The following STARD13 variants were observed in gnomAD, a reference collection of about 807,000 sequenced individuals.
STARD13 encodes stAR-related lipid transfer protein 13.
In STARD13, 62 loss-of-function variants were observed where a neutral mutation model predicts 106.4. That is an observed-to-expected ratio of 0.58 (90% CI 0.48 to 0.72). The LOEUF (loss-of-function observed/expected upper bound fraction) is 0.72, where lower values mean the gene tolerates loss of function less well. Among genes scored for constraint, STARD13 ranks in the 30% least tolerant of loss-of-function variants. The pLI is 0.00. For synonymous variants in STARD13, 565 were observed against 553.0 expected (o/e 1.02, Z -0.31); for missense variants, 1,387 against 1,424.0 (o/e 0.97, Z 0.42).
the STARD13 span, among the ~76,000 whole-genome samples, chr13:33,421,647 G>C: frequency 6.6e-6 from 1 of 152,138 alleles, no homozygotes; most frequent in Non-Finnish European, 1.5e-5. Context: ...AACAATAAAA[G>C]AGAATTTTAG....
At chr13:33,246,820 G>A (rs1889844607) in intron 1 of STARD13, among the ~76,000 whole-genome samples, 2 of 152,232 alleles carry the variant, frequency 1.3e-5, no homozygotes, top group Non-Finnish European at 2.9e-5. Context: ...CTTCTTGGAA[G>A]AAGACCTTGA....
At chr13:33,609,085 C>CAAAAAAAAAAAAA in the STARD13 span, among the ~76,000 whole-genome samples, 12 of 50,568 alleles carry the variant, frequency 2.4e-4, no homozygotes, top group African/African-American at 1.1e-3. Flanking sequence ...GACTCCGTCT[C>CAAAAAAAAAAAAA]AAAAAAAAAA....
intron 1 of STARD13, among the ~76,000 whole-genome samples, chr13:33,244,477 G>A (rs1261729516): frequency 6.6e-6 from 1 of 151,918 alleles, no homozygotes; most frequent in Admixed American, 6.6e-5. Flanking sequence ...TCACATCCCT[G>A]TATCTCTTTG....
chr13:33,319,231 C>T (rs1367683406), intron 1 of STARD13, among the ~76,000 whole-genome samples: 1 of 152,162 alleles, frequency 6.6e-6, no homozygotes, highest in Non-Finnish European at 1.5e-5. Flanking sequence ...GAATGAAGTA[C>T]TGATGCATGT....
intron 1 of STARD13, among the ~76,000 whole-genome samples, chr13:33,172,066 T>TA (rs1421977122): frequency 9.2e-5 from 14 of 152,202 alleles, no homozygotes; most frequent in Admixed American, 9.2e-4. Flanking sequence ...AACTTCCTAA[T>TA]AGAGAAAGTC....
At chr13:33,548,028 A>G in the STARD13 span, among the ~76,000 whole-genome samples, 6 of 152,302 alleles carry the variant, frequency 3.9e-5, no homozygotes, top group Middle Eastern at 3.4e-3. Context: ...TAGATTCACT[A>G]TAACTCTGAT....
chr13:33,428,420 T>C, the STARD13 span, among the ~76,000 whole-genome samples: 2 of 151,960 alleles, frequency 1.3e-5, no homozygotes, highest in South Asian at 2.1e-4. Flanking sequence ...AAACTATGCA[T>C]CCGAAAAGAC....
the STARD13 span, among the ~76,000 whole-genome samples, chr13:33,623,095 C>G: frequency 6.6e-6 from 1 of 151,870 alleles, no homozygotes; most frequent in South Asian, 2.1e-4. Flanking sequence ...GAGACTCCAT[C>G]TCAAAAGTAA....
chr13:33,196,593 A>G (rs1014501514), intron 1 of STARD13, among the ~76,000 whole-genome samples: 3 of 152,174 alleles, frequency 2.0e-5, no homozygotes, highest in African/African-American at 7.2e-5. Context: ...ACTGCCCTAC[A>G]TCATGATGTG....
At chr13:33,348,418 C>A (rs1012102495), downstream of STARD13, among the ~76,000 whole-genome samples, 1 of 152,194 alleles carries the variant, frequency 6.6e-6, no homozygotes, top group Non-Finnish European at 1.5e-5. Flanking sequence ...ACATGACACT[C>A]TCTTCCTTCC....
chr13:33,357,971 G>A, the STARD13 span, among the ~76,000 whole-genome samples: 19 of 152,224 alleles, frequency 1.2e-4, no homozygotes, highest in Admixed American at 2.0e-4. Flanking sequence ...CTTGCAGGGA[G>A]GTGTGGAGGG....
At chr13:33,280,005 T>C (rs1891686631) in intron 1 of STARD13, 1 of 151,700 alleles carries the variant, frequency 6.6e-6, no homozygotes, top group South Asian at 2.1e-4. Flanking sequence ...ACTTGAGCAA[T>C]ACATGACTGA....
At position 33,130,194 on chromosome 13, in the gene STARD13, C is replaced by G. The variant is rs749432245; in HGVS notation, c.483G>C (p.Thr161=). Residue 161 remains threonine, a synonymous_variant, in exon 5 of 14, where the codon ACG becomes ACC. Coordinates refer to ENST00000336934, the MANE Select transcript of STARD13 (RefSeq NM_178006.4). This position sits in a 1 kb window ranked among gnomAD's most constrained non-coding sequence, Gnocchi z 4.1. ...CATTTCTGTCTCCTCGAGGGAGCAG[C>G]GTGTAGAGGTCGTCCACACGAGACC... ...RRWSRVDDLY[T]LLPRGDRNGS... is the part of the protein sequence containing the mutation. 1 of 1,613,388 alleles carries G rather than the reference C, an allele frequency of 6.2e-7. No individual in the cohort carries two copies. Among genetic ancestry groups the G allele is most frequent in the Admixed American group, 1.7e-5 (1 of 60,016 alleles).
chr13:33,462,614 C>T, the STARD13 span, among the ~76,000 whole-genome samples: 10 of 152,170 alleles, frequency 6.6e-5, no homozygotes, highest in Admixed American at 1.3e-4. Context: ...CCTGAAAGCC[C>T]CTGGTAAACC....
At chr13:33,561,043 G>T in the STARD13 span, among the ~76,000 whole-genome samples, 1 of 151,508 alleles carries the variant, frequency 6.6e-6, no homozygotes, top group African/African-American at 2.4e-5. Flanking sequence ...CAGCATTGCA[G>T]TAAAAATGTG....
chr13:33,463,841 A>G, the STARD13 span, among the ~76,000 whole-genome samples: 1 of 151,806 alleles, frequency 6.6e-6, no homozygotes. Flanking sequence ...TCAAAACCCC[A>G]TTTCTACTAA....
the STARD13 span, among the ~76,000 whole-genome samples, chr13:33,396,656 A>C: frequency 9.8e-5 from 15 of 152,344 alleles, no homozygotes; most frequent in Non-Finnish European, 1.9e-4. Context: ...CGACTGCCCC[A>C]AAAATTTCTG....
the STARD13 span, among the ~76,000 whole-genome samples, chr13:33,671,731 A>G: frequency 6.6e-6 from 1 of 152,088 alleles, no homozygotes; most frequent in African/African-American, 2.4e-5. Context: ...CCCTGTCTCT[A>G]AATAAATAAA....
At chr13:33,374,095 T>G in the STARD13 span, among the ~76,000 whole-genome samples, 1 of 152,166 alleles carries the variant, frequency 6.6e-6, no homozygotes, top group Admixed American at 6.6e-5. Flanking sequence ...CAGTAAAATA[T>G]TATTCAACCT....
Sources: allele counts gnomAD v4.1 joint callset (sites outside exome capture counted in the v4.1 genomes callset), GRCh38; gene constraint gnomAD v4.1.1; non-coding constraint Gnocchi (gnomAD v3.1); transcripts MANE v1.5; gene names NCBI Gene and HGNC (gene_info 2026-07-23, HGNC 2026-07-21).